DKK2: variants seen among roughly 807,000 people sequenced by gnomAD.
DKK2 encodes dickkopf Wnt signaling pathway inhibitor 2.
In DKK2, 11 loss-of-function variants were observed where a neutral mutation model predicts 28.1. That is an observed-to-expected ratio of 0.39 (90% CI 0.25 to 0.65). DKK2 has a LOEUF of 0.65. DKK2 is among the 30% of genes least tolerant of loss of function. DKK2 has a pLI of 0.47. For synonymous variants in DKK2, 135 were observed against 126.5 expected (o/e 1.07, Z -0.45); for missense variants, 326 against 335.5 (o/e 0.97, Z 0.22).
At chr4:107,024,529 C>T (rs527439362) in intron 1 of DKK2, among the ~76,000 whole-genome samples, 2 of 152,260 alleles carry the variant, frequency 1.3e-5, no homozygotes, top group South Asian at 4.1e-4. Context: ...TCCATCAAAA[C>T]AGAAACTAAA....
chr4:106,951,542 G>A (rs1272480981), intron 1 of DKK2, among the ~76,000 whole-genome samples: 2 of 152,104 alleles, frequency 1.3e-5, no homozygotes, highest in Non-Finnish European at 2.9e-5. Flanking sequence ...AGTGGAACTG[G>A]AAGCCTTTAT....
intron 1 of DKK2, among the ~76,000 whole-genome samples, chr4:107,024,785 G>T (rs34940017): frequency 0.24 from 36,050 of 152,024 alleles, 4,657 homozygotes; most frequent in East Asian, 0.53. Flanking sequence ...TTTATTTGAG[G>T]TCGTGCATAT....
chr4:107,013,818 T>C (rs1318732721), intron 1 of DKK2, among the ~76,000 whole-genome samples: 6 of 151,528 alleles, frequency 4.0e-5, no homozygotes, highest in Admixed American at 6.6e-5. Context: ...ATTTAGACTA[T>C]ATAAGGAACT....
chr4:106,935,482 C>A (rs1489317675), intron 1 of DKK2, among the ~76,000 whole-genome samples: 1 of 152,230 alleles, frequency 6.6e-6, no homozygotes, highest in Non-Finnish European at 1.5e-5. Context: ...CAGAGTCTCA[C>A]TGATTGCTAG....
chr4:107,031,844 T>C (rs570707067), intron 1 of DKK2, among the ~76,000 whole-genome samples: 2 of 152,110 alleles, frequency 1.3e-5, no homozygotes, highest in East Asian at 3.9e-4. Flanking sequence ...AGTTTGGGTT[T>C]TTAAAATTTG....
At chr4:106,998,601 C>T (rs77523732) in intron 1 of DKK2, among the ~76,000 whole-genome samples, 215 of 152,160 alleles carry the variant, frequency 1.4e-3, no homozygotes, top group African/African-American at 4.8e-3. Context: ...CTTATGTAAA[C>T]GGAATAATTT....
At chr4:107,028,091 T>C (rs1723817900) in intron 1 of DKK2, among the ~76,000 whole-genome samples, 1 of 152,162 alleles carries the variant, frequency 6.6e-6, no homozygotes, top group African/African-American at 2.4e-5. Flanking sequence ...ATTGTTTCCA[T>C]GCTCTTTCCA....
intron 1 of DKK2, among the ~76,000 whole-genome samples, chr4:106,947,159 G>A (rs1299353326): frequency 7.2e-5 from 11 of 152,064 alleles, no homozygotes; most frequent in South Asian, 2.1e-4. Context: ...ATGGGCAAAC[G>A]GGGAAATGAA....
intron 1 of DKK2, among the ~76,000 whole-genome samples, chr4:106,954,268 T>A (rs1055074543): frequency 1.3e-5 from 2 of 152,192 alleles, no homozygotes; most frequent in African/African-American, 4.8e-5. Flanking sequence ...ACTGTGCATA[T>A]GAACTTCAAA....
chr4:107,031,261 T>C (rs1723870851), intron 1 of DKK2, among the ~76,000 whole-genome samples: 1 of 151,984 alleles, frequency 6.6e-6, no homozygotes, highest in African/African-American at 2.4e-5. Flanking sequence ...TCAGATTATT[T>C]ACTCCTAAGC....
Position 107,035,855 on chromosome 4 carries a change from G to A in DKK2, c.-264C>T. On this transcript the variant is annotated 5_prime_UTR_variant, in exon 1 of 4. Transcript: ENST00000285311. ...AACTGGAAGCAATCAAATGCGAGGC[G>A]CTTTCTCGCCAAGGAGGCGTGACCC... is the stretch of plus-strand genomic sequence containing the variant. 1.9e-6 allele frequency: 1 copy of A among 519,898 alleles called. No homozygotes were observed. Among genetic ancestry groups the A allele is most frequent in the Non-Finnish European group, 3.5e-6 (1 of 288,706 alleles). 32.2% of individuals were successfully genotyped at this position (519,898 alleles called of 1,614,324 possible). A position where few individuals can be genotyped will look rare whatever the true frequency, so the allele number is the denominator to read the frequency against.
intron 1 of DKK2, among the ~76,000 whole-genome samples, chr4:106,959,548 C>T (rs1329926446): frequency 1.3e-5 from 2 of 151,886 alleles, no homozygotes; most frequent in African/African-American, 4.8e-5. Flanking sequence ...GTGATCTAGA[C>T]TCAAAATTTG....
chr4:107,022,564 T>C (rs1220051502), intron 1 of DKK2, among the ~76,000 whole-genome samples: 1 of 152,032 alleles, frequency 6.6e-6, no homozygotes. Flanking sequence ...AATAAGATAA[T>C]TGATGACATT....
intron 2 of DKK2, among the ~76,000 whole-genome samples, chr4:106,925,370 C>T (rs1724410249): frequency 6.6e-6 from 1 of 152,152 alleles, no homozygotes; most frequent in South Asian, 2.1e-4. Context: ...GCTGCATCTC[C>T]CTTTGGAGGA....
At chr4:106,966,005 T>C (rs1269550929) in intron 1 of DKK2, among the ~76,000 whole-genome samples, 2 of 151,904 alleles carry the variant, frequency 1.3e-5, no homozygotes, top group Non-Finnish European at 2.9e-5. Flanking sequence ...TTGTTGGACA[T>C]TTGGGTTGGT....
chr4:107,035,915 C>T lies in DKK2; in HGVS notation c.-324G>A, dbSNP rs997917505. ...GAAAACCCAGCCCTGTGGATCGCAC[C>T]GCTTCCGTTCCTTCTTGCCCCGCAC... On this transcript the variant is annotated 5_prime_UTR_variant, in exon 1 of 4. Transcript: ENST00000285311. 4 of 365,548 alleles carry T rather than the reference C, an allele frequency of 1.1e-5. No homozygotes were observed. The highest frequency in any genetic ancestry group is 1.2e-4 in the East Asian group (2 of 17,350). The allele number at this position is 365,548 out of a possible 1,614,324, so 22.6% of individuals were successfully genotyped here. A position where few individuals can be genotyped will look rare whatever the true frequency, so the allele number is the denominator to read the frequency against.
At chr4:106,934,641 T>C (rs1384649493) in intron 1 of DKK2, among the ~76,000 whole-genome samples, 1 of 152,204 alleles carries the variant, frequency 6.6e-6, no homozygotes. Flanking sequence ...AACATAACAC[T>C]TCTCTAATCT....
At chr4:106,983,368 G>GAAAGAAAGAAAGAAAGA (rs35298593) in intron 1 of DKK2, among the ~76,000 whole-genome samples, 3,083 of 92,632 alleles carry the variant, frequency 0.033, 64 homozygotes, top group East Asian at 0.048. Context: ...AAGAAAGAAA[G>GAAAGAAAGAAAGAAAGA]AAGAAAGAAA....
intron 1 of DKK2, among the ~76,000 whole-genome samples, chr4:107,021,190 C>A (rs1182847179): frequency 6.6e-6 from 1 of 151,786 alleles, no homozygotes; most frequent in African/African-American, 2.4e-5. Context: ...TTTGGAGAAA[C>A]AATACATTCA....
Sources: allele counts gnomAD v4.1 joint callset (sites outside exome capture counted in the v4.1 genomes callset), GRCh38; gene constraint gnomAD v4.1.1; transcripts MANE v1.5; gene names NCBI Gene and HGNC (gene_info 2026-07-23, HGNC 2026-07-21).